The following ZFPM2 variants were observed in gnomAD, a reference collection of about 807,000 sequenced individuals.
ZFPM2 encodes the protein zinc finger protein ZFPM2.
ZFPM2 carries 20 observed loss-of-function variants against 98.6 expected under a neutral mutation model. That is an observed-to-expected ratio of 0.20 (90% CI 0.14 to 0.29). The LOEUF (loss-of-function observed/expected upper bound fraction) is 0.29, where lower values mean the gene tolerates loss of function less well. Ranked by LOEUF, ZFPM2 falls within the 10% of genes least tolerant of loss-of-function variation. The probability of loss-of-function intolerance (pLI) is 1.00; values close to 1 mark genes in which losing one functional copy is unlikely to be tolerated. For missense variants in ZFPM2, 1,310 were observed against 1,388.6 expected (o/e 0.94, Z 0.90); for synonymous variants, 518 against 502.7 (o/e 1.03, Z -0.41).
intron 3 of ZFPM2, among the ~76,000 whole-genome samples, chr8:105,450,792 C>T (rs1812469542): frequency 1.3e-5 from 2 of 151,662 alleles, no homozygotes; most frequent in Non-Finnish European, 2.9e-5. Context: ...ACTTTTGAGC[C>T]CTTTATGAAA....
At position 105,801,368 on chromosome 8, in the gene ZFPM2, C is replaced by T. The variant is rs1814005895; in HGVS notation, c.1286C>T (p.Thr429Ile). 2 of 1,613,768 alleles carry T rather than the reference C, an allele frequency of 1.2e-6. No individual in the cohort carries two copies. The highest frequency in any genetic ancestry group is 1.3e-5 in the African/African-American group (1 of 74,902). Residue 429 changes from threonine to isoleucine, a missense_variant, in exon 8 of 8, where the codon ACT (threonine) becomes ATT (isoleucine). By Grantham distance (89) the Thr-to-Ile change is moderately conservative. Transcript: ENST00000407775. The part of the protein sequence containing the change: ...ELPQSQKAMQ[T>I]KDASSDTELD... Reference sequence around the variant, plus strand: ...CCCCAGAGCCAAAAGGCCATGCAGACTAAAGATGCGAGCTCTGACACAGAG... The same window carrying T: ...CCCCAGAGCCAAAAGGCCATGCAGATTAAAGATGCGAGCTCTGACACAGAG...
intron 5 of ZFPM2, among the ~76,000 whole-genome samples, chr8:105,715,993 G>T (rs147747176): frequency 7.8e-4 from 118 of 151,954 alleles, no homozygotes; most frequent in African/African-American, 2.7e-3. Flanking sequence ...ACAATCAGGT[G>T]CCATAATCTG....
intron 3 of ZFPM2, among the ~76,000 whole-genome samples, chr8:105,545,641 G>A (rs1216589561): frequency 1.3e-5 from 2 of 152,064 alleles, no homozygotes; most frequent in Admixed American, 1.3e-4. Flanking sequence ...CTCCTCCTAA[G>A]TTTGTTGTGA....
intron 1 of ZFPM2, among the ~76,000 whole-genome samples, chr8:105,334,118 C>CTGTGTGTG (rs71305145): frequency 0.019 from 2,343 of 120,344 alleles, 99 homozygotes; most frequent in African/African-American, 0.076. Context: ...TAGTAATAAA[C>CTGTGTGTG]TGTGTGTGTG....
At chr8:105,419,334 G>A in intron 2 of ZFPM2, 32 bp downstream of exon 2, 1 of 1,600,542 alleles carries the variant, frequency 6.2e-7, no homozygotes, top group African/African-American at 1.4e-5. Context: ...TAATATGTGA[G>A]TCCACTTAAA....
chr8:105,758,856 T>G (rs947729634), intron 5 of ZFPM2, among the ~76,000 whole-genome samples: 1 of 152,058 alleles, frequency 6.6e-6, no homozygotes, highest in African/African-American at 2.4e-5. Context: ...TAGGAAGACA[T>G]CCACAGCAGG....
intron 3 of ZFPM2, among the ~76,000 whole-genome samples, chr8:105,467,903 G>A (rs1275788314): frequency 6.6e-6 from 1 of 151,944 alleles, no homozygotes; most frequent in East Asian, 1.9e-4. Context: ...GGAAGGGTAA[G>A]GATGATTTGG....
intron 4 of ZFPM2, among the ~76,000 whole-genome samples, chr8:105,583,537 G>A (rs1314247715): frequency 1.3e-5 from 2 of 152,164 alleles, no homozygotes; most frequent in Non-Finnish European, 2.9e-5. Context: ...GTGCAACTGA[G>A]TTTTGAGACT....
chr8:105,405,614 A>G (rs1468183635), intron 1 of ZFPM2, among the ~76,000 whole-genome samples: 1 of 151,698 alleles, frequency 6.6e-6, no homozygotes, highest in South Asian at 2.1e-4. Flanking sequence ...TGAACTCATC[A>G]TTTTTTATGG....
At chr8:105,337,429 A>G (rs1328549849) in intron 1 of ZFPM2, among the ~76,000 whole-genome samples, 1 of 151,874 alleles carries the variant, frequency 6.6e-6, no homozygotes, top group Non-Finnish European at 1.5e-5. Context: ...TCTTTATCCT[A>G]GTTCACACTT....
chr8:105,354,888 A>C (rs1422358794), intron 1 of ZFPM2, among the ~76,000 whole-genome samples: 2 of 152,036 alleles, frequency 1.3e-5, no homozygotes, highest in Admixed American at 6.5e-5. Context: ...CGGGTGGCGG[A>C]GCTTGAAGTG....
chr8:105,583,498 G>A (rs1214743101), intron 4 of ZFPM2, among the ~76,000 whole-genome samples: 2 of 152,078 alleles, frequency 1.3e-5, no homozygotes, highest in Non-Finnish European at 2.9e-5. Flanking sequence ...TCTTTTTTCG[G>A]TTTGTGCATT....
intron 5 of ZFPM2, among the ~76,000 whole-genome samples, chr8:105,653,317 T>C (rs1817217061): frequency 6.6e-6 from 1 of 152,190 alleles, no homozygotes; most frequent in Non-Finnish European, 1.5e-5. Context: ...GGGGTGTTCT[T>C]TAAGTCATTG....
chr8:105,620,723 G>A (rs1586155359), intron 4 of ZFPM2, among the ~76,000 whole-genome samples: 2 of 152,110 alleles, frequency 1.3e-5, no homozygotes, highest in Admixed American at 6.6e-5. Context: ...TTGTAAGGAA[G>A]GGATCCAGTT....
chr8:105,739,913 T>G (rs1812173468), intron 5 of ZFPM2, among the ~76,000 whole-genome samples: 1 of 152,026 alleles, frequency 6.6e-6, no homozygotes, highest in African/African-American at 2.4e-5. Context: ...GTTGAATTTT[T>G]GTGTTTCTCT....
intron 3 of ZFPM2, among the ~76,000 whole-genome samples, chr8:105,494,919 GA>G (rs1813430295): frequency 6.6e-6 from 1 of 152,174 alleles, no homozygotes; most frequent in African/African-American, 2.4e-5. Context: ...AATTTTTATT[GA>G]TGAAATTCAA....
chr8:105,696,248 C>T (rs1465910074), intron 5 of ZFPM2, among the ~76,000 whole-genome samples: 2 of 152,108 alleles, frequency 1.3e-5, no homozygotes, highest in African/African-American at 2.4e-5. Flanking sequence ...TAGCTAAGGT[C>T]GTATCCTGGG....
At chr8:105,469,389 A>T (rs762193406) in intron 3 of ZFPM2, among the ~76,000 whole-genome samples, 1 of 151,498 alleles carries the variant, frequency 6.6e-6, no homozygotes, top group African/African-American at 2.4e-5. Flanking sequence ...CTATCTCTCA[A>T]TCTCCTACTC....
intron 4 of ZFPM2, among the ~76,000 whole-genome samples, chr8:105,564,950 A>G (rs2130707199): frequency 6.6e-6 from 1 of 152,186 alleles, no homozygotes; most frequent in East Asian, 1.9e-4. Context: ...CCTTATAATA[A>G]AATATATAGC....
Sources: allele counts gnomAD v4.1 joint callset (sites outside exome capture counted in the v4.1 genomes callset), GRCh38; gene constraint gnomAD v4.1.1; transcripts MANE v1.5; gene names NCBI Gene and HGNC (gene_info 2026-07-23, HGNC 2026-07-21).